The following UMODL1 variants were observed in gnomAD, a reference collection of about 807,000 sequenced individuals.
UMODL1 encodes uromodulin like 1.
In UMODL1, 128 loss-of-function variants were observed where a neutral mutation model predicts 136.3. That is an observed-to-expected ratio of 0.94 (90% CI 0.81 to 1.09). The LOEUF is 1.09. Among genes scored for constraint, UMODL1 ranks in the 50% least tolerant of loss-of-function variants. The pLI is 0.00. For synonymous variants in UMODL1, 721 were observed against 720.0 expected (o/e 1.00, Z -0.02); for missense variants, 1,766 against 1,725.6 (o/e 1.02, Z -0.41).
chr21:42,124,456 C>T (rs1276465998), intron 17 of UMODL1, among the ~76,000 whole-genome samples: 2 of 152,156 alleles, frequency 1.3e-5, no homozygotes. Flanking sequence ...TGAATGTATC[C>T]AAGGGCCATG....
chr21:42,136,739 T>G (rs1357104641), intron 21 of UMODL1, among the ~76,000 whole-genome samples: 1 of 152,106 alleles, frequency 6.6e-6, no homozygotes, highest in Admixed American at 6.5e-5. Flanking sequence ...GTTTCTTGTT[T>G]TTTTGTTTTG....
At chr21:42,079,642 T>C (rs2066336880) in intron 2 of UMODL1, among the ~76,000 whole-genome samples, 1 of 152,078 alleles carries the variant, frequency 6.6e-6, no homozygotes, top group South Asian at 2.1e-4. Context: ...ACTGCCTGAG[T>C]GCATTCTTTC....
intron 6 of UMODL1, chr21:42,094,064 C>T (rs947897094): frequency 2.0e-5 from 8 of 409,718 alleles, no homozygotes; most frequent in African/African-American, 1.0e-4. Flanking sequence ...GTCAGTCATC[C>T]GGAAAAATAT....
At chr21:42,110,617 G>GC (rs1189268584) in intron 10 of UMODL1, among the ~76,000 whole-genome samples, 3 of 152,268 alleles carry the variant, frequency 2.0e-5, no homozygotes, top group East Asian at 1.9e-4. Context: ...GGGTTTTGTA[G>GC]CCCCCCGGGT....
At chr21:42,116,570 C>A (rs1249840133) in intron 14 of UMODL1, among the ~76,000 whole-genome samples, 1 of 152,048 alleles carries the variant, frequency 6.6e-6, no homozygotes, top group Middle Eastern at 3.2e-3. Flanking sequence ...TCCAGTGAAA[C>A]CTGTTTTTCA....
upstream of UMODL1, among the ~76,000 whole-genome samples, chr21:42,069,486 T>A (rs2066210869): frequency 6.6e-6 from 1 of 152,214 alleles, no homozygotes; most frequent in South Asian, 2.1e-4. Flanking sequence ...GGGTCTGTGG[T>A]TAAATCATGA....
chr21:42,134,189 C>T (rs1204080046), intron 21 of UMODL1, among the ~76,000 whole-genome samples: 1 of 152,198 alleles, frequency 6.6e-6, no homozygotes, highest in East Asian at 1.9e-4. Flanking sequence ...AAAGTGTCAA[C>T]ATATCTGTTT....
chr21:42,063,978 C>CTGTGGGATG (rs1323099419), intron 1 of UMODL1, among the ~76,000 whole-genome samples: 2 of 152,136 alleles, frequency 1.3e-5, no homozygotes, highest in African/African-American at 4.8e-5. Flanking sequence ...TGCTCAGCGC[C>CTGTGGGATG]TGTGGGATGT....
intron 8 of UMODL1, 34 bp downstream of exon 8, chr21:42,102,312 G>T: frequency 6.6e-7 from 1 of 1,512,538 alleles, no homozygotes; most frequent in South Asian, 1.2e-5. Flanking sequence ...ATCTTTTCTT[G>T]GGTGTTCTGA....
intron 6 of UMODL1, 71 bp from the exon 7 acceptor site, chr21:42,098,855 G>A: frequency 3.8e-6 from 6 of 1,577,496 alleles, no homozygotes; most frequent in Non-Finnish European, 5.2e-6. Flanking sequence ...ATGAGGCTCT[G>A]TTACCTGCTT....
At chr21:42,090,262 A>G (rs2066475317) in intron 5 of UMODL1, 36 bp from the exon 6 acceptor site, 1 of 1,612,030 alleles carries the variant, frequency 6.2e-7, no homozygotes, top group Non-Finnish European at 8.5e-7. Context: ...GGTAGCTGCG[A>G]CTGCTGAGTG....
chr21:42,135,139 C>T (rs1256756712), intron 21 of UMODL1, among the ~76,000 whole-genome samples: 2 of 152,260 alleles, frequency 1.3e-5, no homozygotes, highest in Non-Finnish European at 2.9e-5. Context: ...TCCCCCGCAT[C>T]GTGGACTGAC....
rs1275140929 is a variant in UMODL1, at chr21:42,122,839, C to A, written c.2836C>A (p.Pro946Thr). 1.3e-6 allele frequency: 2 copies of A among 1,596,392 alleles called. No homozygotes were observed. Among genetic ancestry groups the A allele is most frequent in the South Asian group, 2.2e-5 (2 of 89,708 alleles). ...CTCCTTGTGCCTTGCAGGTGACTCTCCTGGCAATGAAACCTGGGCCACCAG... is the reference window on the plus strand; with the variant it reads ...CTCCTTGTGCCTTGCAGGTGACTCTACTGGCAATGAAACCTGGGCCACCAG... The part of the protein sequence containing the change: ...YSERPCEGDS[P>T]GNETWATSPE... The change falls in exon 17 of 23, where the codon CCT (proline) becomes ACT (threonine). Residue 946 changes from proline to threonine, a missense_variant. Pro to Thr is a conservative substitution (Grantham distance 38). Coordinates refer to ENST00000408910, the MANE Select transcript of UMODL1 (RefSeq NM_001004416.3). The surrounding 1 kb of genome is among the most constrained non-coding windows in gnomAD (Gnocchi z 4.3).
At chr21:42,093,902 C>T (rs942718332) in intron 6 of UMODL1, 3 of 456,614 alleles carry the variant, frequency 6.6e-6, no homozygotes, top group African/African-American at 2.0e-5. Flanking sequence ...TAGAACTTCG[C>T]GCCACGTCCA....
Position 42,076,216 on chromosome 21 carries a change from C to T in UMODL1, c.288C>T (p.Gly96=), listed in dbSNP as rs755693508. ...GGAACGTGACTGACTGCTGTGAGGG[C>T]TATGAACAGCTCGGCCTCTACTGTG... ...ESRNVTDCCE[G]YEQLGLYCVL... is the part of the protein sequence containing the mutation. The change falls in exon 2 of 23, where the codon GGC becomes GGT. Residue 96 remains glycine, a synonymous_variant. Coordinates refer to ENST00000408910, the MANE Select transcript of UMODL1 (RefSeq NM_001004416.3). The T allele has an allele frequency of 6.2e-7, 1 of 1,614,248 alleles. No homozygotes were observed. The highest frequency in any genetic ancestry group is 8.5e-7 in the Non-Finnish European group (1 of 1,180,048).
rs964348144 is a variant in UMODL1, at chr21:42,122,587, G to GTGTGTGCA, written c.2828-237_2828-230dup. On this transcript the variant is annotated intron_variant, in intron 16 of 22. Transcript: ENST00000408910. This position sits in a 1 kb window ranked among gnomAD's most constrained non-coding sequence, Gnocchi z 4.3. ...CACGTGTGTGCGTGCGTGTGTGCAT[G>GTGTGTGCA]TGTGTGCATGTGTGTGCATCTCTGC... Among the ~76,000 whole-genome samples the GTGTGTGCA allele has an allele frequency of 4.0e-5, 3 of 75,120 alleles. No individual in the cohort carries two copies. The highest frequency in any genetic ancestry group is 1.5e-4 in the African/African-American group (3 of 19,764). The allele number at this position is 75,120 out of a possible 152,430, so 49.3% of individuals were successfully genotyped here.
intron 7 of UMODL1, among the ~76,000 whole-genome samples, chr21:42,100,324 G>T (rs776105169): frequency 1.3e-5 from 2 of 152,176 alleles, no homozygotes; most frequent in African/African-American, 2.4e-5. Flanking sequence ...ACTCACAGGG[G>T]TTAATGCTAG....
rs2066980262 is a variant in UMODL1, at chr21:42,122,112, G to A, written c.2828-719G>A. ...GAGCTGGGTGGAGCTGCAGGGTGCTGGGGCTGGGCAAGCCCCACTCTGAGA... is the reference window on the plus strand; with the variant it reads ...GAGCTGGGTGGAGCTGCAGGGTGCTAGGGCTGGGCAAGCCCCACTCTGAGA... On this transcript the variant is annotated intron_variant, in intron 16 of 22. Transcript: ENST00000408910. This position sits in a 1 kb window ranked among gnomAD's most constrained non-coding sequence, Gnocchi z 4.3. Among the ~76,000 whole-genome samples the A allele has an allele frequency of 6.6e-6, 1 of 152,288 alleles. No homozygotes were observed. The highest frequency in any genetic ancestry group is 1.9e-4 in the East Asian group (1 of 5,186).
At chr21:42,125,705 G>T (rs947798088) in intron 17 of UMODL1, among the ~76,000 whole-genome samples, 16 of 152,044 alleles carry the variant, frequency 1.1e-4, no homozygotes, top group Admixed American at 9.2e-4. Context: ...GGTGAGGGAG[G>T]TCTGGGGTGA....
Sources: gnomAD v4.1 joint callset for allele counts (sites outside exome capture counted in the v4.1 genomes callset) on GRCh38, gnomAD v4.1.1 for gene constraint, Gnocchi (gnomAD v3.1) non-coding constraint, MANE v1.5 for transcripts, NCBI Gene and HGNC (gene_info 2026-07-23, HGNC 2026-07-21) for gene names.